The following GALNT13 variants were observed in gnomAD, a reference collection of about 807,000 sequenced individuals.
The protein encoded by GALNT13 is polypeptide N-acetylgalactosaminyltransferase 13.
A neutral mutation model predicts 64.2 loss-of-function variants in GALNT13; 28 were observed. The ratio of observed to expected loss-of-function variants is 0.44; its 90% CI spans 0.32 to 0.60. GALNT13 has a LOEUF of 0.60. Ranked by LOEUF, GALNT13 falls within the 20% of genes least tolerant of loss-of-function variation. The pLI, the probability that GALNT13 is intolerant of heterozygous loss-of-function variation, is 0.05. For synonymous variants in GALNT13, 214 were observed against 224.6 expected, an observed-to-expected ratio of 0.95 and a Z score of 0.42; for missense variants, 577 against 669.8, an observed-to-expected ratio of 0.86 and a Z score of 1.53.
chr2:153,803,917 C>T, the GALNT13 span, among the ~76,000 whole-genome samples: 1 of 151,998 alleles, frequency 6.6e-6, no homozygotes, highest in Non-Finnish European at 1.5e-5. Context: ...TTAAGCCATC[C>T]AGTCTGCGGT....
At chr2:153,234,125 A>G in the GALNT13 span, among the ~76,000 whole-genome samples, 2 of 152,162 alleles carry the variant, frequency 1.3e-5, no homozygotes, top group South Asian at 4.1e-4. Context: ...TTTTGATGTC[A>G]TTGATTAAAT....
chr2:153,480,047 T>C, the GALNT13 span, among the ~76,000 whole-genome samples: 1 of 152,206 alleles, frequency 6.6e-6, no homozygotes, highest in African/African-American at 2.4e-5. Flanking sequence ...AAAGAACTGA[T>C]AAAAATTTGA....
rs1172698578 is a variant in GALNT13 at position 154,281,439 on chromosome 2, A to T, written c.976-19970A>T. ...ATAAGATGTGGAGTAATGACATGTA[A>T]CAATTTTTCTGATTCCAGAAAACAC... On this transcript the variant is annotated intron_variant, in intron 8 of 12. Transcript: ENST00000392825. 2.6e-5 allele frequency among the ~76,000 whole-genome samples: 4 copies of T among 152,300 alleles called. No homozygotes were observed. In the South Asian group the frequency reaches 8.3e-4, roughly 32 times the overall value.
chr2:153,350,818 A>G, the GALNT13 span, among the ~76,000 whole-genome samples: 1 of 152,178 alleles, frequency 6.6e-6, no homozygotes, highest in Non-Finnish European at 1.5e-5. Context: ...TGACGATGCC[A>G]CCCAAGTTAA....
At chr2:154,087,179 T>C (rs762454392) in intron 3 of GALNT13, among the ~76,000 whole-genome samples, 5 of 152,068 alleles carry the variant, frequency 3.3e-5, no homozygotes, top group Non-Finnish European at 7.4e-5. Flanking sequence ...TGAAAACTTG[T>C]GTTTCATTTT....
chr2:154,059,436 C>G (rs1700062782), intron 3 of GALNT13, among the ~76,000 whole-genome samples: 1 of 152,162 alleles, frequency 6.6e-6, no homozygotes, highest in African/African-American at 2.4e-5. Flanking sequence ...AAGGCTTGAT[C>G]AGAAATAGCA....
the GALNT13 span, among the ~76,000 whole-genome samples, chr2:153,313,706 A>ATT: frequency 2.0e-5 from 3 of 152,222 alleles, no homozygotes; most frequent in Non-Finnish European, 4.4e-5. Flanking sequence ...AAAGTTAAAA[A>ATT]AAGAATTTAT....
intron 8 of GALNT13, among the ~76,000 whole-genome samples, chr2:154,279,142 A>G (rs1045050601): frequency 2.6e-5 from 4 of 152,182 alleles, no homozygotes; most frequent in African/African-American, 9.6e-5. Flanking sequence ...TTATTTTACT[A>G]TGTCCTTACC....
chr2:153,230,608 C>A, the GALNT13 span, among the ~76,000 whole-genome samples: 1 of 152,162 alleles, frequency 6.6e-6, no homozygotes, highest in Non-Finnish European at 1.5e-5. Context: ...ATACTCAGAA[C>A]TACAGTAGAG....
rs1342638484 is a variant in GALNT13, at chr2:153,961,740, TAC to T, written c.142+17102_142+17103del. Among the ~76,000 whole-genome samples the T allele has an allele frequency of 2.6e-5, 4 of 151,960 alleles. No individual in the cohort carries two copies. In the South Asian group the frequency reaches 8.3e-4, roughly 31 times the overall value. ...AAGATCAAATTTTCAATTCCACAAA[TAC>T]TTGATTGATTAGAGAGTGGGTAACA... On this transcript the variant is annotated intron_variant, in intron 3 of 12. Coordinates refer to ENST00000392825, the MANE Select transcript of GALNT13 (RefSeq NM_052917.4).
At chr2:153,316,509 C>T in the GALNT13 span, among the ~76,000 whole-genome samples, 1 of 151,618 alleles carries the variant, frequency 6.6e-6, no homozygotes, top group Non-Finnish European at 1.5e-5. Context: ...GGCGTGGTGG[C>T]GGGTGCCTGT....
intron 2 of GALNT13, among the ~76,000 whole-genome samples, chr2:153,931,662 C>T (rs571348345): frequency 6.6e-6 from 1 of 152,110 alleles, no homozygotes; most frequent in South Asian, 2.1e-4. Flanking sequence ...TATTGATTCA[C>T]GTATGTTGAA....
At chr2:153,461,015 C>T in the GALNT13 span, among the ~76,000 whole-genome samples, 107,639 of 151,988 alleles carry the variant, frequency 0.71, 38,943 homozygotes, top group Middle Eastern at 0.79. Flanking sequence ...AGAGTTGTGG[C>T]GTATACACTT....
the GALNT13 span, among the ~76,000 whole-genome samples, chr2:153,415,174 T>C: frequency 1.2e-4 from 18 of 152,140 alleles, no homozygotes; most frequent in Non-Finnish European, 5.9e-5. Context: ...TTTAATATCT[T>C]CCAGGTGCTA....
intron 1 of GALNT13, among the ~76,000 whole-genome samples, chr2:153,874,417 G>T (rs73005937): frequency 0.071 from 10,762 of 151,854 alleles, 713 homozygotes; most frequent in African/African-American, 0.16. Context: ...ACTTGCTTAA[G>T]TAGGGGCACT....
the GALNT13 span, among the ~76,000 whole-genome samples, chr2:153,637,313 A>G: frequency 8.5e-5 from 13 of 152,272 alleles, no homozygotes; most frequent in Middle Eastern, 6.8e-3. Flanking sequence ...AGATACTGCA[A>G]TCTATCACAT....
rs1450308010 is a variant in GALNT13, at chr2:153,884,785, A to ATATATATG, written c.-177+12483_-177+12484insATATATGT. On this transcript the variant is annotated intron_variant, in intron 1 of 12. Coordinates refer to ENST00000392825, the MANE Select transcript of GALNT13 (RefSeq NM_052917.4). ...AATACGAATATATATATATATATAT[A>ATATATATG]TGTGTGTGTATATATATATATGTGT... 4.0e-3 allele frequency among the ~76,000 whole-genome samples: 493 copies of ATATATATG among 122,494 alleles called. 10 individuals carry two copies. The highest frequency in any genetic ancestry group is 9.3e-3 in the African/African-American group (266 of 28,606). 80.4% of individuals were successfully genotyped at this position (122,494 alleles called of 152,430 possible). A position where few individuals can be genotyped will look rare whatever the true frequency, so the allele number is the denominator to read the frequency against.
intron 3 of GALNT13, among the ~76,000 whole-genome samples, chr2:154,027,149 C>T (rs1185952028): frequency 6.6e-6 from 1 of 152,136 alleles, no homozygotes; most frequent in East Asian, 1.9e-4. Flanking sequence ...TTTTACCTAT[C>T]TAAACAAGTC....
At chr2:153,339,386 T>C in the GALNT13 span, among the ~76,000 whole-genome samples, 25 of 152,216 alleles carry the variant, frequency 1.6e-4, no homozygotes, top group African/African-American at 6.0e-4. Flanking sequence ...GCCTTTTTTC[T>C]TATAATTGTT....
Sources: gnomAD v4.1 joint callset for allele counts (sites outside exome capture counted in the v4.1 genomes callset) on GRCh38, gnomAD v4.1.1 for gene constraint, MANE v1.5 for transcripts, NCBI Gene and HGNC (gene_info 2026-07-23, HGNC 2026-07-21) for gene names.